Variants in LRP1 observed in about 807,000 individuals in gnomAD.
LRP1 encodes prolow-density lipoprotein receptor-related protein 1.
Under a neutral mutation model 541.5 loss-of-function variants are expected in LRP1, and 51 were observed. The ratio of observed to expected loss-of-function variants is 0.09; its 90% CI spans 0.08 to 0.12. The LOEUF is 0.12. Ranked by LOEUF, LRP1 falls within the 10% of genes least tolerant of loss-of-function variation. The pLI is 1.00. For synonymous variants in LRP1, 2,219 were observed against 2,470.8 expected (o/e 0.90, Z 3.02); for missense variants, 3,878 against 6,376.2 (o/e 0.61, Z 13.34).
chr12:57,159,108 G>A (rs1274426462), intron 11 of LRP1, among the ~76,000 whole-genome samples: 1 of 152,230 alleles, frequency 6.6e-6, no homozygotes, highest in Non-Finnish European at 1.5e-5. Flanking sequence ...TTCCCTCTGA[G>A]CTGCTTGGGC....
rs377286682 is a variant in LRP1, at chr12:57,177,433, G to A, written c.4203G>A (p.Leu1401=). 25 of 1,596,396 alleles carry A rather than the reference G, an allele frequency of 1.6e-5. No homozygotes were observed. The African/African-American group carries it at 1.7e-4, about 11-fold the overall frequency. The change falls in exon 26 of 89, where the codon CTG becomes CTA. Residue 1401 remains leucine (L), a synonymous_variant. Transcript: ENST00000243077. This position sits in a 1 kb window ranked among gnomAD's most constrained non-coding sequence, Gnocchi z 6.8. ...AIALDPRDGI[L]FWTDWDASLP... is the part of the protein sequence containing the mutation. ...ACCCCTCCCCACTCCCCAGGATCCT[G>A]TTTTGGACAGACTGGGATGCCAGCC...
intron 4 of LRP1, chr12:57,144,587 C>G (rs1235807302): frequency 2.8e-5 from 6 of 216,876 alleles, no homozygotes; most frequent in Non-Finnish European, 5.7e-5. Context: ...ACTAGCACCT[C>G]TAATGTATAC....
chr12:57,210,535 C>A, intron 82 of LRP1, 55 bp downstream of exon 82: 1 of 1,483,772 alleles, frequency 6.7e-7, no homozygotes, highest in Non-Finnish European at 9.0e-7. Flanking sequence ...CCAGCCCCGC[C>A]ACCCACCACC....
chr12:57,209,668 CT>C lies in LRP1; in HGVS notation c.12263-23del, dbSNP rs755980669. ...AGGGCCTGAGTGCCCCTCAGGTCCC[CT>C]CTGACTCCACCTCCTCCCCCAGGCC... On this transcript the variant is annotated intron_variant, in intron 79 of 88. Transcript: ENST00000243077. 1.6e-5 allele frequency: 26 copies of C among 1,612,522 alleles called. No individual in the cohort carries two copies. The African/African-American group carries it at 2.5e-4, about 16-fold the overall frequency.
rs145886930 is a variant in LRP1 at position 57,210,743 on chromosome 12, G to A, written c.12780G>A (p.Thr4260=). 148 of 1,611,048 alleles carry A rather than the reference G, an allele frequency of 9.2e-5. No homozygotes were observed. In the East Asian group the frequency reaches 1.7e-3, roughly 18 times the overall value. The change falls in exon 83 of 89, where the codon ACG becomes ACA. Residue 4260 remains threonine (T), a synonymous_variant. Transcript: ENST00000243077. ...PSGMPTCRCP[T]GFTGPKCTQQ... ...GCATGCCCACGTGCCGGTGCCCCAC[G>A]GGCTTCACGGGCCCCAAATGCACCC... is the stretch of plus-strand genomic sequence containing the variant.
chr12:57,129,108 G>T (rs1405907524), intron 1 of LRP1, 77 bp downstream of exon 1: 3 of 1,425,042 alleles, frequency 2.1e-6, no homozygotes, highest in South Asian at 2.5e-5. Flanking sequence ...TACGGATGGG[G>T]AAGGGAGACG....
At chr12:57,180,238 C>T in intron 31 of LRP1, 92 bp from the exon 32 acceptor site, 1 of 1,578,032 alleles carries the variant, frequency 6.3e-7, no homozygotes, top group Middle Eastern at 1.7e-4. Context: ...CTCCCCAGAG[C>T]CCTAGCTTAG....
In LRP1 at chr12:57,184,068, ACCAACTCCCT is replaced by A; in HGVS notation, c.5930-14_5930-5del. On this transcript the variant is annotated splice_region_variant and splice_polypyrimidine_tract_variant and intron_variant, in intron 36 of 88. Coordinates refer to ENST00000243077, the MANE Select transcript of LRP1 (RefSeq NM_002332.3). This position sits in a 1 kb window ranked among gnomAD's most constrained non-coding sequence, Gnocchi z 7.8. ...TCCTCACCTAACCTCCCTGAGCCCCACCAACTCCCTCCTTAGGCAACATCTACTGGACAGA... is the reference window on the plus strand; with the variant it reads ...TCCTCACCTAACCTCCCTGAGCCCCACCTTAGGCAACATCTACTGGACAGA... The A allele has an allele frequency of 3.7e-6, 6 of 1,611,476 alleles. No homozygotes were observed. The South Asian group carries it at 6.6e-5, about 18-fold the overall frequency.
chr12:57,175,036 T>C (rs1002700577), intron 22 of LRP1, among the ~76,000 whole-genome samples: 8 of 151,990 alleles, frequency 5.3e-5, no homozygotes, highest in African/African-American at 1.9e-4. Flanking sequence ...AAGGGTGGTA[T>C]AGGCCCTGCT....
chr12:57,210,277 G>A (rs1476338965), intron 81 of LRP1, 30 bp from the exon 82 acceptor site: 1 of 1,548,198 alleles, frequency 6.5e-7, no homozygotes, highest in Admixed American at 1.9e-5. Context: ...TATTCCCCTG[G>A]CTCTGCCCCT....
intron 12 of LRP1, among the ~76,000 whole-genome samples, chr12:57,160,469 C>T (rs1263396725): frequency 6.6e-6 from 1 of 152,148 alleles, no homozygotes; most frequent in Admixed American, 6.5e-5. Flanking sequence ...CTGGCTTCTT[C>T]TCTACATCAA....
rs1459605684 is a variant in LRP1, at chr12:57,159,928, A to G, written c.1902A>G (p.Lys634=). 2 of 1,614,146 alleles carry G rather than the reference A, an allele frequency of 1.2e-6. No individual in the cohort carries two copies. Among genetic ancestry groups the G allele is most frequent in the Admixed American group, 1.7e-5 (1 of 60,012 alleles). ...KKTISVARLE[K]AAQTRKTLIE... ...CAATCAGCGTGGCCAGGCTGGAGAA[A>G]GCTGCTCAGACCCGCAAGACTTTAA... Residue 634 remains lysine, a synonymous_variant, in exon 12 of 89, where the codon AAA becomes AAG. Coordinates refer to ENST00000243077, the MANE Select transcript of LRP1 (RefSeq NM_002332.3).
chr12:57,190,735 G>A (rs761464199), intron 42 of LRP1, 70 bp from the exon 43 acceptor site: 60 of 1,464,248 alleles, frequency 4.1e-5, no homozygotes, highest in Middle Eastern at 1.7e-4. Context: ...GTGCCTACGC[G>A]TCCTGGCCTG....
chr12:57,141,954 G>T (rs923143855), intron 3 of LRP1, among the ~76,000 whole-genome samples: 4 of 152,170 alleles, frequency 2.6e-5, no homozygotes, highest in Admixed American at 1.3e-4. Flanking sequence ...CCCTACGGGT[G>T]CCCTAGAAGG....
rs35842116 is a variant in LRP1, at chr12:57,173,146, G to A, written c.3164-22G>A. ...ACCTGGGCAACCCCTCCCTCCTGAG[G>A]CCCTCCACTGTCCCTCTGCAGCCAC... On this transcript the variant is annotated intron_variant, in intron 20 of 88. Coordinates refer to ENST00000243077, the MANE Select transcript of LRP1 (RefSeq NM_002332.3). The surrounding 1 kb of genome is among the most constrained non-coding windows in gnomAD (Gnocchi z 4.7). The A allele has an allele frequency of 4.2e-3, 6,658 of 1,582,852 alleles. 234 individuals are homozygous for A. The African/African-American group carries it at 0.074, about 17-fold the overall frequency.
chr12:57,212,053 AT>A lies in LRP1; in HGVS notation c.13349+40del. On this transcript the variant is annotated intron_variant, in intron 87 of 88. Coordinates refer to ENST00000243077, the MANE Select transcript of LRP1 (RefSeq NM_002332.3). The surrounding 1 kb of genome is among the most constrained non-coding windows in gnomAD (Gnocchi z 5.0). The stretch of plus-strand genomic sequence containing the variant: ...GGGATTCTGGAACATTCTGGTCATT[AT>A]TTTGCCATCCTAGCCTTCCCCCCCA... 1.2e-6 allele frequency: 2 copies of A among 1,613,386 alleles called. No homozygotes were observed. The highest frequency in any genetic ancestry group is 1.7e-6 in the Non-Finnish European group (2 of 1,179,666).
rs567525017 is a variant in LRP1 at position 57,162,412 on chromosome 12, C to T, written c.2298C>T (p.Tyr766=). Residue 766 remains tyrosine, a synonymous_variant, in exon 14 of 89, where the codon TAC becomes TAT. Coordinates refer to ENST00000243077, the MANE Select transcript of LRP1 (RefSeq NM_002332.3). The surrounding 1 kb of genome is among the most constrained non-coding windows in gnomAD (Gnocchi z 5.2). ...FWTEYRSGSV[Y]RLERGVGGAP... ...CTGAGTATCGGAGTGGCAGTGTCTACCGCTTGGAACGGGGTGTAGGAGGCG... is the reference window on the plus strand; with the variant it reads ...CTGAGTATCGGAGTGGCAGTGTCTATCGCTTGGAACGGGGTGTAGGAGGCG... The T allele has an allele frequency of 2.4e-5, 39 of 1,614,156 alleles. No individual in the cohort carries two copies. In the African/African-American group the frequency reaches 4.8e-4, roughly 20 times the overall value.
At chr12:57,160,775 T>C in intron 12 of LRP1, 118 bp from the exon 13 acceptor site, 1 of 684,408 alleles carries the variant, frequency 1.5e-6, no homozygotes, top group Non-Finnish European at 2.6e-6. Context: ...GGTCCAGTGA[T>C]GAGCAGGACA....
Position 57,212,078 on chromosome 12 carries a change from C to T in LRP1, c.13350-39C>T, listed in dbSNP as rs768459167. ...ATTTTGCCATCCTAGCCTTCCCCCCCAATAATCTCTGTCTCCTTATACTCC... is the reference window on the plus strand; with the variant it reads ...ATTTTGCCATCCTAGCCTTCCCCCCTAATAATCTCTGTCTCCTTATACTCC... On this transcript the variant is annotated intron_variant, in intron 87 of 88. Transcript: ENST00000243077. The surrounding 1 kb of genome is among the most constrained non-coding windows in gnomAD (Gnocchi z 5.0). The T allele has an allele frequency of 6.2e-7, 1 of 1,613,194 alleles. No homozygotes were observed. The highest frequency in any genetic ancestry group is 8.5e-7 in the Non-Finnish European group (1 of 1,179,368).
Sources: gnomAD v4.1 joint callset for allele counts (sites outside exome capture counted in the v4.1 genomes callset) on GRCh38, gnomAD v4.1.1 for gene constraint, Gnocchi (gnomAD v3.1) non-coding constraint, MANE v1.5 for transcripts, NCBI Gene and HGNC (gene_info 2026-07-23, HGNC 2026-07-21) for gene names.